RCC2: variants seen among roughly 807,000 people sequenced by gnomAD.
RCC2 encodes regulator of chromosome condensation 2.
Under a neutral mutation model 64.1 loss-of-function variants are expected in RCC2, and 19 were observed. The observed-to-expected ratio is 0.30, with a 90% confidence interval of 0.21 to 0.44. The LOEUF (loss-of-function observed/expected upper bound fraction) is 0.44. Among genes scored for constraint, RCC2 ranks in the 20% least tolerant of loss-of-function variants. RCC2 has a pLI of 1.00. For synonymous variants in RCC2, 325 were observed against 279.6 expected, an observed-to-expected ratio of 1.16 and a Z score of -1.62; for missense variants, 508 against 710.4, an observed-to-expected ratio of 0.72 and a Z score of 3.24.
intron 2 of RCC2, among the ~76,000 whole-genome samples, chr1:17,431,587 C>T (rs2075682163): frequency 6.6e-6 from 1 of 150,562 alleles, no homozygotes; most frequent in Non-Finnish European, 1.5e-5. Flanking sequence ...AGTGTGATCA[C>T]CCCATGGGTA....
chr1:17,409,272 G>A (rs935055933), intron 12 of RCC2, 78 bp from the exon 13 acceptor site: 1 of 945,556 alleles, frequency 1.1e-6, no homozygotes, highest in African/African-American at 1.6e-5. Context: ...TGGAAACTGG[G>A]CTGCTAAAGC....
rs1396086771 is a variant in RCC2, at chr1:17,407,180, A to T, written c.*1910T>A. On this transcript the variant is annotated 3_prime_UTR_variant, in exon 13 of 13. Coordinates refer to ENST00000375436, the MANE Select transcript of RCC2 (RefSeq NM_018715.4). ...CTAGAAGAGGCTGGCTGCCACGTTT[A>T]CATGAGGCCACCGAAGATCTAAGTC... 2.0e-5 allele frequency: 3 copies of T among 152,116 alleles called. No homozygotes were observed. Among genetic ancestry groups the T allele is most frequent in the Non-Finnish European group, 2.9e-5 (2 of 68,036 alleles). The allele number at this position is 152,116 out of a possible 1,614,324, so 9.4% of individuals were successfully genotyped here. A position where few individuals can be genotyped will look rare whatever the true frequency, so the allele number is the denominator to read the frequency against.
chr1:17,422,560 C>T, intron 5 of RCC2, 145 bp downstream of exon 5: 2 of 1,111,734 alleles, frequency 1.8e-6, no homozygotes, highest in Non-Finnish European at 2.5e-6. Flanking sequence ...CTCAAGAAGC[C>T]ACTCCATGCC....
Position 17,416,538 on chromosome 1 carries a change from T to C in RCC2, c.968A>G (p.Gln323Arg). The change falls in exon 8 of 13, where the codon CAG becomes CGG. Residue 323 changes from glutamine (Q) to arginine (R), a missense_variant. Coordinates refer to ENST00000375436, the MANE Select transcript of RCC2 (RefSeq NM_018715.4). ...AIFIEKTKDG[Q>R]ILPVPNVVVR... ...AACCACGTTTGGTACAGGCAGAATC[T>C]GTCCATCTTTCGTCTTCTCAATGAA... 1 of 1,613,986 alleles carries C rather than the reference T, an allele frequency of 6.2e-7. No homozygotes were observed. Among genetic ancestry groups the C allele is most frequent in the Non-Finnish European group, 8.5e-7 (1 of 1,180,042 alleles).
chr1:17,437,447 C>T (rs1182114444), intron 2 of RCC2, among the ~76,000 whole-genome samples: 1 of 152,060 alleles, frequency 6.6e-6, no homozygotes, highest in East Asian at 1.9e-4. Context: ...TTCAGATCTC[C>T]GGCTCTGCAG....
chr1:17,428,265 G>A (rs2075638740), intron 3 of RCC2, among the ~76,000 whole-genome samples: 1 of 152,214 alleles, frequency 6.6e-6, no homozygotes, highest in Non-Finnish European at 1.5e-5. Flanking sequence ...TGCTTCCCTG[G>A]GACAAAAGCC....
rs114245295 is a variant in RCC2, at chr1:17,421,496, C to G, written c.745-668G>C. ...GCAACAGAGCGAGACTCTGTCTCCC[C>G]TCCAAAAAAAAAAGACTGCCTATCT... On this transcript the variant is annotated intron_variant, in intron 6 of 12. Transcript: ENST00000375436. 4.0e-3 allele frequency among the ~76,000 whole-genome samples: 602 copies of G among 151,032 alleles called. 3 individuals carry two copies. The highest frequency in any genetic ancestry group is 0.014 in the African/African-American group (563 of 41,156).
chr1:17,416,461 G>A lies in RCC2; in HGVS notation c.1026+19C>T, dbSNP rs1245382615. 4.4e-6 allele frequency: 7 copies of A among 1,597,550 alleles called. No homozygotes were observed. In the Admixed American group the frequency reaches 5.1e-5, roughly 12 times the overall value. On this transcript the variant is annotated intron_variant, in intron 8 of 12. Coordinates refer to ENST00000375436, the MANE Select transcript of RCC2 (RefSeq NM_018715.4). Reference sequence around the variant, plus strand: ...CATCCTGGTGCGACTCTCAGGAAGTGAGAAAAGCCGAGCCTCACCGTGTGG... The same window carrying A: ...CATCCTGGTGCGACTCTCAGGAAGTAAGAAAAGCCGAGCCTCACCGTGTGG...
At chr1:17,416,068 CA>C (rs1180836026) in intron 8 of RCC2, among the ~76,000 whole-genome samples, 1,241 of 67,062 alleles carry the variant, frequency 0.019, 37 homozygotes, top group African/African-American at 0.072. Context: ...AAACTGTCTC[CA>C]AAAAAAAAAG....
chr1:17,437,719 C>G (rs989642825), intron 2 of RCC2, among the ~76,000 whole-genome samples: 31 of 147,170 alleles, frequency 2.1e-4, no homozygotes, highest in Admixed American at 1.4e-3. Flanking sequence ...GGCGCCGGAG[C>G]CGAGGCGGCG....
intron 2 of RCC2, among the ~76,000 whole-genome samples, chr1:17,431,497 C>G (rs1403222587): frequency 2.0e-5 from 1 of 49,018 alleles, no homozygotes; most frequent in African/African-American, 8.9e-5. Flanking sequence ...CCAGCCCTGT[C>G]TCAAAAAAAA....
chr1:17,439,523 A>C (rs1464588316), intron 1 of RCC2, 22 bp downstream of exon 1: 2 of 145,592 alleles, frequency 1.4e-5, no homozygotes, highest in Admixed American at 6.8e-5. Context: ...CAAACTGATC[A>C]CTGTCGATTT....
At position 17,438,280 on chromosome 1, in the gene RCC2, C is replaced by A; in HGVS notation, c.235G>T (p.Gly79Cys). The change falls in exon 2 of 13, where the codon GGC (glycine) becomes TGC (cysteine). Residue 79 changes from glycine to cysteine, a missense_variant. Transcript: ENST00000375436. ...AARPATAGKA[G>C]GAAVVITEPE... ...TCGGTGATGACCACGGCCGCGCCGC[C>A]CGCCTTGCCTGCTGTCGCCGGCCGC... 7.7e-7 allele frequency: 1 copy of A among 1,304,082 alleles called. No homozygotes were observed. The highest frequency in any genetic ancestry group is 4.0e-5 in the East Asian group (1 of 24,766). The allele number at this position is 1,304,082 out of a possible 1,614,324, so 80.8% of individuals were successfully genotyped here. A position where few individuals can be genotyped will look rare whatever the true frequency, so the allele number is the denominator to read the frequency against.
chr1:17,433,247 T>C (rs1436985750), intron 2 of RCC2, among the ~76,000 whole-genome samples: 1 of 152,216 alleles, frequency 6.6e-6, no homozygotes, highest in Admixed American at 6.5e-5. Flanking sequence ...TCTAAGCTGC[T>C]TTCTTTTATT....
intron 11 of RCC2, among the ~76,000 whole-genome samples, chr1:17,410,450 C>T (rs1174403113): frequency 1.3e-5 from 2 of 152,208 alleles, no homozygotes; most frequent in African/African-American, 2.4e-5. Context: ...GATGCCTCCA[C>T]CATCCAGAGT....
At position 17,408,461 on chromosome 1, in the gene RCC2, G is replaced by A. The variant is rs2075387970; in HGVS notation, c.*629C>T. On this transcript the variant is annotated 3_prime_UTR_variant, in exon 13 of 13. Transcript: ENST00000375436. ...ACAGATCCCCAATCCCCCACCAGGG[G>A]GGACACGGCCGATTCTATAATGTCG... 1 of 152,502 alleles carries A rather than the reference G, an allele frequency of 6.6e-6. No homozygotes were observed. The highest frequency in any genetic ancestry group is 2.4e-5 in the African/African-American group (1 of 41,466). The allele number at this position is 152,502 out of a possible 1,614,324, so 9.4% of individuals were successfully genotyped here. A position where few individuals can be genotyped will look rare whatever the true frequency, so the allele number is the denominator to read the frequency against.
Position 17,422,736 on chromosome 1 carries a change from T to A in RCC2, c.624A>T (p.Ala208=). 1 of 1,614,096 alleles carries A rather than the reference T, an allele frequency of 6.2e-7. No homozygotes were observed. Among genetic ancestry groups the A allele is most frequent in the Non-Finnish European group, 8.5e-7 (1 of 1,180,000 alleles). The change falls in exon 5 of 13, where the codon GCA becomes GCT. Residue 208 remains alanine (A), a synonymous_variant. Transcript: ENST00000375436. Reference sequence around the variant, plus strand: ...AGGCCAAGGTGTGGTTCCGCCCACATGCTGCAGACACAATCACTTCGTGGC... The same window carrying A: ...AGGCCAAGGTGTGGTTCCGCCCACAAGCTGCAGACACAATCACTTCGTGGC... The part of the protein sequence containing the change: ...GLSHEVIVSA[A]CGRNHTLALT...
intron 4 of RCC2, 26 bp from the exon 5 acceptor site, chr1:17,422,862 AAAAG>A (rs2100373473): frequency 6.2e-7 from 1 of 1,613,306 alleles, no homozygotes; most frequent in Non-Finnish European, 8.5e-7. Context: ...GAGAAAGTAG[AAAAG>A]AGAGAGGGTG....
intron 2 of RCC2, 127 bp from the exon 3 acceptor site, chr1:17,429,326 C>T (rs1392644644): frequency 2.8e-6 from 2 of 721,140 alleles, no homozygotes; most frequent in Non-Finnish European, 4.8e-6. Context: ...CTGTGACCTC[C>T]ACACGAACAG....
Sources: allele counts gnomAD v4.1 joint callset (sites outside exome capture counted in the v4.1 genomes callset), GRCh38; gene constraint gnomAD v4.1.1; transcripts MANE v1.5; gene names NCBI Gene and HGNC (gene_info 2026-07-23, HGNC 2026-07-21).